Variants in SLC35D4 observed in about 807,000 individuals in gnomAD.
The protein encoded by SLC35D4 is solute carrier family 35 member D4, also known as UDP-N-acetylglucosamine transporter SLC35D4.
the SLC35D4 span, chr18:23,373,852 A>G: frequency 1.4e-6 from 2 of 1,429,774 alleles, no homozygotes; most frequent in South Asian, 2.5e-5. Context: ...CATCCTCTGG[A>G]GTTGGATGAG....
At chr18:23,301,489 T>C in the SLC35D4 span, among the ~76,000 whole-genome samples, 4 of 152,244 alleles carry the variant, frequency 2.6e-5, no homozygotes, top group African/African-American at 9.6e-5. Flanking sequence ...TCAAAGATTA[T>C]ATACGATCAT....
the SLC35D4 span, among the ~76,000 whole-genome samples, chr18:23,269,150 G>GT: frequency 3.9e-5 from 6 of 152,202 alleles, no homozygotes; most frequent in African/African-American, 1.2e-4. Context: ...ATATGGTTTG[G>GT]CTGTGTCCCC....
chr18:23,415,898 GGCCTCTTT>G, the SLC35D4 span, among the ~76,000 whole-genome samples: 1 of 152,130 alleles, frequency 6.6e-6, no homozygotes, highest in Admixed American at 6.6e-5. Flanking sequence ...CAGGAGATAT[GGCCTCTTT>G]GCAATATAAG....
the SLC35D4 span, among the ~76,000 whole-genome samples, chr18:23,250,255 T>A: frequency 6.6e-6 from 1 of 152,234 alleles, no homozygotes; most frequent in East Asian, 1.9e-4. Context: ...TACTTGAGCC[T>A]GCTCACATCA....
At chr18:23,370,764 C>T in the SLC35D4 span, among the ~76,000 whole-genome samples, 1 of 152,158 alleles carries the variant, frequency 6.6e-6, no homozygotes, top group African/African-American at 2.4e-5. Flanking sequence ...ATGTTTTTGA[C>T]ATGAACTTCT....
the SLC35D4 span, among the ~76,000 whole-genome samples, chr18:23,362,585 C>A: frequency 6.6e-6 from 1 of 151,902 alleles, no homozygotes; most frequent in African/African-American, 2.4e-5. Flanking sequence ...GGCAACAGAG[C>A]GAGACTCTGT....
At chr18:23,317,154 TACACACACAC>T in the SLC35D4 span, among the ~76,000 whole-genome samples, 75,042 of 149,828 alleles carry the variant, frequency 0.5, 19,696 homozygotes, top group Admixed American at 0.62. Context: ...TGGGAGAAGT[TACACACACAC>T]ACACACACAC....
At chr18:23,248,680 G>C in the SLC35D4 span, among the ~76,000 whole-genome samples, 5 of 151,820 alleles carry the variant, frequency 3.3e-5, no homozygotes, top group Admixed American at 6.6e-5. Flanking sequence ...ATACAGCTGG[G>C]TGGGTGTGGT....
the SLC35D4 span, among the ~76,000 whole-genome samples, chr18:23,262,158 T>C: frequency 3.3e-5 from 5 of 152,294 alleles, no homozygotes; most frequent in Admixed American, 1.3e-4. Flanking sequence ...CCAAAAAGAA[T>C]AGTGCCAGCT....
chr18:23,409,829 G>A, the SLC35D4 span, among the ~76,000 whole-genome samples: 1 of 136,126 alleles, frequency 7.3e-6, no homozygotes, highest in African/African-American at 2.8e-5. Flanking sequence ...GGGCGACAGA[G>A]CAAGACTCCG....
the SLC35D4 span, among the ~76,000 whole-genome samples, chr18:23,334,420 TCTC>T: frequency 2.0e-5 from 3 of 152,196 alleles, no homozygotes; most frequent in Middle Eastern, 3.4e-3. Context: ...CTTCAACCCT[TCTC>T]CTGTCAAACT....
the SLC35D4 span, among the ~76,000 whole-genome samples, chr18:23,386,617 C>T: frequency 6.7e-6 from 1 of 150,284 alleles, no homozygotes; most frequent in Admixed American, 6.7e-5. Context: ...GGATGGTGAC[C>T]TGAACTTGGT....
the SLC35D4 span, chr18:23,297,722 C>T: frequency 1.3e-5 from 5 of 371,044 alleles, no homozygotes; most frequent in South Asian, 5.1e-5. Context: ...AGCTACAGCA[C>T]GGTTGAGAGA....
chr18:23,309,346 G>A, the SLC35D4 span, among the ~76,000 whole-genome samples: 143 of 152,032 alleles, frequency 9.4e-4, 1 homozygote, highest in East Asian at 0.022. Context: ...TATACACATA[G>A]TGGTTGACCA....
At chr18:23,242,181 G>A in the SLC35D4 span, among the ~76,000 whole-genome samples, 3 of 152,200 alleles carry the variant, frequency 2.0e-5, no homozygotes, top group Admixed American at 2.0e-4. Context: ...AGGAGGCTGA[G>A]GCAGGAGAAT....
the SLC35D4 span, among the ~76,000 whole-genome samples, chr18:23,295,342 A>G: frequency 6.6e-6 from 1 of 152,142 alleles, no homozygotes; most frequent in East Asian, 1.9e-4. Context: ...AAACCCGCAC[A>G]TGTACCCCAG....
At chr18:23,267,985 G>A in the SLC35D4 span, among the ~76,000 whole-genome samples, 1 of 152,212 alleles carries the variant, frequency 6.6e-6, no homozygotes. Flanking sequence ...GGTCATTTAG[G>A]TCCTGGGGGC....
the SLC35D4 span, among the ~76,000 whole-genome samples, chr18:23,389,571 A>T: frequency 6.6e-6 from 1 of 151,744 alleles, no homozygotes; most frequent in African/African-American, 2.4e-5. Context: ...TTTGAGACGG[A>T]GTCTCACTCT....
the SLC35D4 span, among the ~76,000 whole-genome samples, chr18:23,315,935 A>C: frequency 1.3e-5 from 2 of 152,368 alleles, no homozygotes; most frequent in East Asian, 3.9e-4. Context: ...GGCAGGCAGA[A>C]CAACAGGTAC....
Sources: allele counts gnomAD v4.1 joint callset (sites outside exome capture counted in the v4.1 genomes callset), GRCh38; gene constraint gnomAD v4.1.1; transcripts MANE v1.5; gene names NCBI Gene and HGNC (gene_info 2026-07-23, HGNC 2026-07-21).